Variants in ANKS3 observed in about 807,000 individuals in gnomAD.
The protein encoded by ANKS3 is ankyrin repeat and sterile alpha motif domain containing 3.
Under a neutral mutation model 80.7 loss-of-function variants are expected in ANKS3, and 62 were observed. The ratio of observed to expected loss-of-function variants is 0.77; its 90% CI spans 0.63 to 0.95. ANKS3 has a LOEUF of 0.95. Ranked by LOEUF, ANKS3 falls within the 40% of genes least tolerant of loss-of-function variation. ANKS3 has a pLI of 0.00. For missense variants in ANKS3, 1,150 were observed against 883.6 expected, an observed-to-expected ratio of 1.30 and a Z score of -3.82; for synonymous variants, 489 against 355.3, an observed-to-expected ratio of 1.38 and a Z score of -4.23.
chr16:4,703,707 G>A (rs1947353119), intron 8 of ANKS3, among the ~76,000 whole-genome samples: 4 of 152,070 alleles, frequency 2.6e-5, no homozygotes, highest in Admixed American at 2.6e-4. Context: ...CACTGCGCCC[G>A]GCCCCAAATT....
At chr16:4,706,688 G>C (rs897403813) in intron 7 of ANKS3, among the ~76,000 whole-genome samples, 2 of 152,208 alleles carry the variant, frequency 1.3e-5, no homozygotes, top group Non-Finnish European at 2.9e-5. Context: ...ATAAGGCTCT[G>C]ATCTGATTCT....
At chr16:4,731,325 G>A (rs1188532034) in intron 2 of ANKS3, among the ~76,000 whole-genome samples, 187 bp downstream of exon 2, 6 of 152,186 alleles carry the variant, frequency 3.9e-5, no homozygotes, top group Non-Finnish European at 8.8e-5. Context: ...TGTTGCCCAG[G>A]CTGGAGTGCA....
chr16:4,718,530 C>G (rs1296896511), intron 6 of ANKS3, among the ~76,000 whole-genome samples: 2 of 152,218 alleles, frequency 1.3e-5, no homozygotes, highest in African/African-American at 2.4e-5. Context: ...GCACAAGATG[C>G]CCAGACTTGC....
intron 4 of ANKS3, 29 bp from the exon 5 acceptor site, chr16:4,726,809 G>A (rs370489971): frequency 6.8e-6 from 11 of 1,607,298 alleles, no homozygotes; most frequent in African/African-American, 2.7e-5. Context: ...CGTGCGTTAC[G>A]GCCTCATCTC....
At chr16:4,700,795 G>C (rs763623363) in intron 11 of ANKS3, 175 bp downstream of exon 11, 3 of 867,570 alleles carry the variant, frequency 3.5e-6, no homozygotes, top group Non-Finnish European at 5.8e-6. Flanking sequence ...CGCTGCAGCG[G>C]GGCTGCCAGC....
At chr16:4,727,789 G>A (rs1205693250) in intron 3 of ANKS3, 2 of 153,246 alleles carry the variant, frequency 1.3e-5, no homozygotes, top group Non-Finnish European at 2.9e-5. Context: ...TGTGACCAAA[G>A]AATCCCATCT....
At chr16:4,726,810 G>A (rs1299137255) in intron 4 of ANKS3, 30 bp from the exon 5 acceptor site, 1 of 1,607,606 alleles carries the variant, frequency 6.2e-7, no homozygotes, top group South Asian at 1.1e-5. Context: ...GTGCGTTACG[G>A]CCTCATCTCC....
chr16:4,701,287 C>A, intron 10 of ANKS3, 147 bp downstream of exon 10: 4 of 1,388,888 alleles, frequency 2.9e-6, no homozygotes, highest in Non-Finnish European at 3.9e-6. Context: ...GTCTGAGAAG[C>A]CAGACCCTGG....
intron 1 of ANKS3, among the ~76,000 whole-genome samples, chr16:4,733,686 G>A (rs2081787164): frequency 6.6e-6 from 1 of 152,172 alleles, no homozygotes; most frequent in Non-Finnish European, 1.5e-5. Context: ...CATTTTACAT[G>A]TGATTATTAC....
At position 4,701,018 on chromosome 16, in the gene ANKS3, G is replaced by A. The variant is rs770860603; in HGVS notation, c.1236C>T (p.Leu412=). Residue 412 remains leucine (L), a synonymous_variant, in exon 11 of 18, where the codon CTC becomes CTT. Transcript: ENST00000304283. ...PRAATDREGF[L]AESSPQTQRA... is the part of the protein sequence containing the mutation. ...TCTGAGTCTGGGGGCTGGACTCAGCGAGAAAGCCTTCCCTGTCAGTTGCAG... is the reference window on the plus strand; with the variant it reads ...TCTGAGTCTGGGGGCTGGACTCAGCAAGAAAGCCTTCCCTGTCAGTTGCAG... 8.7e-6 allele frequency: 14 copies of A among 1,613,964 alleles called. No individual in the cohort carries two copies. Among genetic ancestry groups the A allele is most frequent in the Non-Finnish European group, 1.1e-5 (13 of 1,180,018 alleles).
At chr16:4,701,203 C>A (rs1029139432) in intron 10 of ANKS3, 69 bp from the exon 11 acceptor site, 1 of 1,597,080 alleles carries the variant, frequency 6.3e-7, no homozygotes, top group Non-Finnish European at 8.6e-7. Flanking sequence ...AACCCCCACC[C>A]GCCACACAGG....
intron 7 of ANKS3, among the ~76,000 whole-genome samples, chr16:4,709,321 G>A (rs1405674058): frequency 1.3e-5 from 2 of 151,314 alleles, no homozygotes; most frequent in African/African-American, 4.9e-5. Flanking sequence ...CAGGAGAATC[G>A]CTTGAACCCG....
chr16:4,723,942 T>C (rs1056931601), intron 6 of ANKS3, among the ~76,000 whole-genome samples: 5 of 151,804 alleles, frequency 3.3e-5, no homozygotes, highest in African/African-American at 1.2e-4. Context: ...GCACCTGTAG[T>C]CCCAGCTACT....
chr16:4,711,511 G>C (rs574819196), intron 7 of ANKS3, among the ~76,000 whole-genome samples: 2 of 151,720 alleles, frequency 1.3e-5, no homozygotes, highest in East Asian at 4.0e-4. Context: ...CTGAGGTCGG[G>C]AGTTTGAGAC....
At chr16:4,722,643 C>T (rs902969914) in intron 6 of ANKS3, among the ~76,000 whole-genome samples, 18 of 150,724 alleles carry the variant, frequency 1.2e-4, no homozygotes, top group African/African-American at 4.1e-4. Context: ...ACTGGCTGGG[C>T]GCAGTGGCTT....
chr16:4,710,973 G>C (rs990514273), intron 7 of ANKS3, among the ~76,000 whole-genome samples: 1 of 151,274 alleles, frequency 6.6e-6, no homozygotes, highest in East Asian at 2.0e-4. Context: ...ATTTTTAGTG[G>C]AGACGGGGTT....
chr16:4,711,140 G>A (rs1010851843), intron 7 of ANKS3, among the ~76,000 whole-genome samples: 6 of 102,184 alleles, frequency 5.9e-5, no homozygotes, highest in Non-Finnish European at 1.1e-4. Context: ...TTTCGCTCTT[G>A]TTGCCTAGGC....
chr16:4,697,515 C>A, intron 15 of ANKS3, 99 bp from the exon 16 acceptor site: 1 of 981,602 alleles, frequency 1.0e-6, no homozygotes, highest in Non-Finnish European at 1.5e-6. Context: ...CTGCTTGGAT[C>A]AGAACCTCCC....
In ANKS3 at chr16:4,696,836, A is replaced by T; in HGVS notation, c.*72T>A. The stretch of plus-strand genomic sequence containing the variant: ...GGCTGCACATGGCAGCTACCTGCTC[A>T]CTGTCCTCCTCACTCCCTGGCACAC... On this transcript the variant is annotated 3_prime_UTR_variant, in exon 18 of 18. Coordinates refer to ENST00000304283, the MANE Select transcript of ANKS3 (RefSeq NM_133450.4). The T allele has an allele frequency of 1.6e-6, 1 of 644,012 alleles. No homozygotes were observed. The highest frequency in any genetic ancestry group is 2.7e-6 in the Non-Finnish European group (1 of 368,568). 39.9% of individuals were successfully genotyped at this position (644,012 alleles called of 1,614,324 possible). A position where few individuals can be genotyped will look rare whatever the true frequency, so the allele number is the denominator to read the frequency against.
Sources: gnomAD v4.1 joint callset for allele counts (sites outside exome capture counted in the v4.1 genomes callset) on GRCh38, gnomAD v4.1.1 for gene constraint, MANE v1.5 for transcripts, NCBI Gene and HGNC (gene_info 2026-07-23, HGNC 2026-07-21) for gene names.